HOXC8: variants seen among roughly 807,000 people sequenced by gnomAD.
The protein encoded by HOXC8 is homeobox protein Hox-C8.
A neutral mutation model predicts 25.8 loss-of-function variants in HOXC8; 14 were observed. The observed-to-expected ratio is 0.54, with a 90% CI of 0.36 to 0.85. HOXC8 has a LOEUF of 0.85. Ranked by LOEUF, HOXC8 falls within the 40% of genes least tolerant of loss-of-function variation. HOXC8 has a pLI of 0.01. For missense variants in HOXC8, 316 were observed against 308.8 expected, an observed-to-expected ratio of 1.02 and a Z score of -0.17; for synonymous variants, 144 against 124.6, an observed-to-expected ratio of 1.16 and a Z score of -1.04.
At position 54,011,507 on chromosome 12, in the gene HOXC8, T is replaced by C. The variant is rs1354094322; in HGVS notation, c.*126T>C. 55 of 1,159,950 alleles carry C rather than the reference T, an allele frequency of 4.7e-5. No homozygotes were observed. In the East Asian group the frequency reaches 1.5e-3, roughly 32 times the overall value. 71.9% of individuals were successfully genotyped at this position (1,159,950 alleles called of 1,614,324 possible). A position where few individuals can be genotyped will look rare whatever the true frequency, so the allele number is the denominator to read the frequency against. Reference sequence around the variant, plus strand: ...GAGAATAGAATGACACTCACAACTCTAACTACCTGTCAGATACTTGCAGCT... The same window carrying C: ...GAGAATAGAATGACACTCACAACTCCAACTACCTGTCAGATACTTGCAGCT... On this transcript the variant is annotated 3_prime_UTR_variant, in exon 2 of 2. Coordinates refer to ENST00000040584, the MANE Select transcript of HOXC8 (RefSeq NM_022658.4).
chr12:54,011,793 C>A lies in HOXC8; in HGVS notation c.*412C>A, dbSNP rs1940000840. ...TTTAGAGGGGAGCCCCCTCGAAATG[C>A]AGAAAAGGACTTGTGGTTTTGTTTT... On this transcript the variant is annotated 3_prime_UTR_variant, in exon 2 of 2. Coordinates refer to ENST00000040584, the MANE Select transcript of HOXC8 (RefSeq NM_022658.4). 6.5e-6 allele frequency: 1 copy of A among 154,612 alleles called. No homozygotes were observed. Among genetic ancestry groups the A allele is most frequent in the Non-Finnish European group, 1.4e-5 (1 of 69,924 alleles). The allele number at this position is 154,612 out of a possible 1,614,324, so 9.6% of individuals were successfully genotyped here. A position where few individuals can be genotyped will look rare whatever the true frequency, so the allele number is the denominator to read the frequency against.
rs1939922355 is a variant in HOXC8 at position 54,009,183 on chromosome 12, C to T, written c.-102C>T. ...GCCCAGCCCAGTCCCGGGGAGCCAG[C>T]TGGCCTGGGGTTCGGTCCCGGGGGG... On this transcript the variant is annotated 5_prime_UTR_variant, in exon 1 of 2. Coordinates refer to ENST00000040584, the MANE Select transcript of HOXC8 (RefSeq NM_022658.4). The surrounding 1 kb of genome is among the most constrained non-coding windows in gnomAD (Gnocchi z 5.0). 5 of 1,026,530 alleles carry T rather than the reference C, an allele frequency of 4.9e-6. No individual in the cohort carries two copies. The highest frequency in any genetic ancestry group is 7.3e-6 in the Non-Finnish European group (5 of 689,384). 63.6% of individuals were successfully genotyped at this position (1,026,530 alleles called of 1,614,324 possible). A position where few individuals can be genotyped will look rare whatever the true frequency, so the allele number is the denominator to read the frequency against.
In HOXC8 at chr12:54,010,600, G is replaced by A. The variant is rs148368763; in HGVS notation, c.437-489G>A. 8.1e-4 allele frequency among the ~76,000 whole-genome samples: 123 copies of A among 152,362 alleles called. 1 individual carries two copies. The highest frequency in any genetic ancestry group is 2.9e-3 in the African/African-American group (120 of 41,584). The stretch of plus-strand genomic sequence containing the variant: ...GCTGGTCTCCAGTTAGCAATCAGGC[G>A]GAGCGGTGACACATTCCAGCAGATC... On this transcript the variant is annotated intron_variant, in intron 1 of 1. Coordinates refer to ENST00000040584, the MANE Select transcript of HOXC8 (RefSeq NM_022658.4).
chr12:54,012,277 A>G lies in HOXC8; in HGVS notation c.*896A>G, dbSNP rs1353540152. On this transcript the variant is annotated 3_prime_UTR_variant, in exon 2 of 2. Transcript: ENST00000040584. Reference sequence around the variant, plus strand: ...AAAGGGAACCTGCAATAATCTTGAAAAAGAAAAAGAGAAAAATTTTAAAAT... The same window carrying G: ...AAAGGGAACCTGCAATAATCTTGAAGAAGAAAAAGAGAAAAATTTTAAAAT... 1 of 152,316 alleles carries G rather than the reference A, an allele frequency of 6.6e-6. No individual in the cohort carries two copies. Among genetic ancestry groups the G allele is most frequent in the Non-Finnish European group, 1.5e-5 (1 of 68,000 alleles). 9.4% of individuals were successfully genotyped at this position (152,316 alleles called of 1,614,324 possible). A position where few individuals can be genotyped will look rare whatever the true frequency, so the allele number is the denominator to read the frequency against.
chr12:54,010,376 G>A (rs1028211332), intron 1 of HOXC8, among the ~76,000 whole-genome samples: 4 of 152,198 alleles, frequency 2.6e-5, no homozygotes, highest in African/African-American at 9.7e-5. Context: ...AAGGAGAGAG[G>A]CCATAGAGAT....
Position 54,009,552 on chromosome 12 carries a change from G to C in HOXC8, c.268G>C (p.Gly90Arg), listed in dbSNP as rs1029782820. Residue 90 changes from glycine (G) to arginine (R), a missense_variant, in exon 1 of 2, where the codon GGC (glycine) becomes CGC (arginine). Physicochemically the swap from Gly to Arg is moderately radical, Grantham distance 125. Transcript: ENST00000040584. The surrounding 1 kb of genome is among the most constrained non-coding windows in gnomAD (Gnocchi z 5.0). The stretch of plus-strand genomic sequence containing the variant: ...CCACGGAGACGCCTCCAAATTCTAT[G>C]GCTACGAGGCGCTCCCCAGACAGTC... ...SCHGDASKFYGYEALPRQSLY... is the reference protein window; with the variant it reads ...SCHGDASKFYRYEALPRQSLY... The C allele has an allele frequency of 1.9e-6, 3 of 1,614,138 alleles. No homozygotes were observed. The highest frequency in any genetic ancestry group is 8.5e-7 in the Non-Finnish European group (1 of 1,180,018).
Position 54,009,422 on chromosome 12 carries a change from G to A in HOXC8, c.138G>A (p.Ala46=), listed in dbSNP as rs749203930. 9.3e-6 allele frequency: 15 copies of A among 1,613,914 alleles called. No homozygotes were observed. Among genetic ancestry groups the A allele is most frequent in the Middle Eastern group, 1.6e-4 (1 of 6,066 alleles). The change falls in exon 1 of 2, where the codon GCG becomes GCA. Residue 46 remains alanine (A), a synonymous_variant. Coordinates refer to ENST00000040584, the MANE Select transcript of HOXC8 (RefSeq NM_022658.4). This position sits in a 1 kb window ranked among gnomAD's most constrained non-coding sequence, Gnocchi z 5.0. ...TGGTGTACGGGCCCGGCGGCTCGGC[G>A]CCCGGCTTCCAGCACGCTTCGCACC... The part of the protein sequence containing the change: ...HALVYGPGGS[A]PGFQHASHHV...
Position 54,011,185 on chromosome 12 carries a change from G to C in HOXC8, c.533G>C (p.Arg178Pro), listed in dbSNP as rs1423551425. 6.2e-7 allele frequency: 1 copy of C among 1,614,050 alleles called. No homozygotes were observed. The highest frequency in any genetic ancestry group is 1.7e-5 in the Admixed American group (1 of 60,024). ...FLFNPYLTRK[R>P]RIEVSHALGL... Reference sequence around the variant, plus strand: ...TTTAATCCTTATTTGACACGAAAACGTCGGATTGAAGTCTCTCATGCCCTG... The same window carrying C: ...TTTAATCCTTATTTGACACGAAAACCTCGGATTGAAGTCTCTCATGCCCTG... Residue 178 changes from arginine (R) to proline (P), a missense_variant, in exon 2 of 2, where the codon CGT (arginine) becomes CCT (proline). Transcript: ENST00000040584.
In HOXC8 at chr12:54,012,648, G is replaced by A. The variant is rs1365920490; in HGVS notation, c.*1267G>A. On this transcript the variant is annotated 3_prime_UTR_variant, in exon 2 of 2. Transcript: ENST00000040584. ...AATATATCTATAATAATAATTTTTTGTCATTTGTCTTTATGTCCAGCTATG... is the reference window on the plus strand; with the variant it reads ...AATATATCTATAATAATAATTTTTTATCATTTGTCTTTATGTCCAGCTATG... Among the ~76,000 whole-genome samples, 3 of 152,050 alleles carry A rather than the reference G, an allele frequency of 2.0e-5. No individual in the cohort carries two copies. The highest frequency in any genetic ancestry group is 2.0e-4 in the Admixed American group (3 of 15,268).
In HOXC8 at chr12:54,011,516, G is replaced by C; in HGVS notation, c.*135G>C. Reference sequence around the variant, plus strand: ...ATGACACTCACAACTCTAACTACCTGTCAGATACTTGCAGCTCTGGTTTTA... The same window carrying C: ...ATGACACTCACAACTCTAACTACCTCTCAGATACTTGCAGCTCTGGTTTTA... On this transcript the variant is annotated 3_prime_UTR_variant, in exon 2 of 2. Coordinates refer to ENST00000040584, the MANE Select transcript of HOXC8 (RefSeq NM_022658.4). 9.0e-7 allele frequency: 1 copy of C among 1,113,094 alleles called. No individual in the cohort carries two copies. Among genetic ancestry groups the C allele is most frequent in the Non-Finnish European group, 1.2e-6 (1 of 831,604 alleles). The allele number at this position is 1,113,094 out of a possible 1,614,324, so 69.0% of individuals were successfully genotyped here.
At position 54,009,529 on chromosome 12, in the gene HOXC8, A is replaced by G. The variant is rs1690277850; in HGVS notation, c.245A>G (p.His82Arg). The change falls in exon 1 of 2, where the codon CAC (histidine) becomes CGC (arginine). Residue 82 changes from histidine to arginine, a missense_variant. Coordinates refer to ENST00000040584, the MANE Select transcript of HOXC8 (RefSeq NM_022658.4). This position sits in a 1 kb window ranked among gnomAD's most constrained non-coding sequence, Gnocchi z 5.0. ...CAGAACCCGTGCTCGCTTAGCTGCC[A>G]CGGAGACGCCTCCAAATTCTATGGC... ...YQQNPCSLSC[H>R]GDASKFYGYE... 1 of 1,614,188 alleles carries G rather than the reference A, an allele frequency of 6.2e-7. No individual in the cohort carries two copies. Among genetic ancestry groups the G allele is most frequent in the Admixed American group, 1.7e-5 (1 of 60,024 alleles).
At chr12:54,010,350 A>G (rs967674075) in intron 1 of HOXC8, among the ~76,000 whole-genome samples, 27 of 152,108 alleles carry the variant, frequency 1.8e-4, no homozygotes, top group Non-Finnish European at 3.2e-4. Context: ...GAGGAGGGGG[A>G]AAAAAGAGTG....
Position 54,009,197 on chromosome 12 carries a change from G to A in HOXC8, c.-88G>A. ...CGGGGAGCCAGCTGGCCTGGGGTTCGGTCCCGGGGGGAGGGGAGTTTCGGG... is the reference window on the plus strand; with the variant it reads ...CGGGGAGCCAGCTGGCCTGGGGTTCAGTCCCGGGGGGAGGGGAGTTTCGGG... On this transcript the variant is annotated 5_prime_UTR_variant, in exon 1 of 2. Transcript: ENST00000040584. This position sits in a 1 kb window ranked among gnomAD's most constrained non-coding sequence, Gnocchi z 5.0. The A allele has an allele frequency of 8.5e-7, 1 of 1,179,150 alleles. No individual in the cohort carries two copies. Among genetic ancestry groups the A allele is most frequent in the Non-Finnish European group, 1.2e-6 (1 of 827,582 alleles). The allele number at this position is 1,179,150 out of a possible 1,614,324, so 73.0% of individuals were successfully genotyped here. A position where few individuals can be genotyped will look rare whatever the true frequency, so the allele number is the denominator to read the frequency against.
rs951779584 is a variant in HOXC8, at chr12:54,012,547, A to G, written c.*1166A>G. Among the ~76,000 whole-genome samples the G allele has an allele frequency of 6.6e-6, 1 of 152,146 alleles. No homozygotes were observed. Among genetic ancestry groups the G allele is most frequent in the Non-Finnish European group, 1.5e-5 (1 of 68,018 alleles). On this transcript the variant is annotated 3_prime_UTR_variant, in exon 2 of 2. Transcript: ENST00000040584. ...TCTAACCCCAGTAGAGTAGAACTAA[A>G]TTGCACTGAATGTATAGTTAACTCT...
At position 54,011,468 on chromosome 12, in the gene HOXC8, C is replaced by T. The variant is rs1177249653; in HGVS notation, c.*87C>T. 8 of 1,426,848 alleles carry T rather than the reference C, an allele frequency of 5.6e-6. No individual in the cohort carries two copies. The Admixed American group carries it at 2.1e-4, about 38-fold the overall frequency. The allele number at this position is 1,426,848 out of a possible 1,614,324, so 88.4% of individuals were successfully genotyped here. On this transcript the variant is annotated 3_prime_UTR_variant, in exon 2 of 2. Transcript: ENST00000040584. ...GATAAATTGAGAAGTTTACGACTGT[C>T]ATTTGCTTTTATAGAGAATAGAATG... is the stretch of plus-strand genomic sequence containing the variant.
rs773485181 is a variant in HOXC8, at chr12:54,009,585, G to A, written c.301G>A (p.Gly101Arg). Residue 101 changes from glycine (G) to arginine (R), a missense_variant, in exon 1 of 2, where the codon GGG (glycine) becomes AGG (arginine). By Grantham distance (125) the Gly-to-Arg change is moderately radical. Transcript: ENST00000040584. The surrounding 1 kb of genome is among the most constrained non-coding windows in gnomAD (Gnocchi z 5.0). Reference protein sequence around the residue: ...YEALPRQSLYGAQQEASVVQY... With the variant: ...YEALPRQSLYRAQQEASVVQY... ...GGCGCTCCCCAGACAGTCCCTTTAT[G>A]GGGCTCAGCAAGAGGCGAGCGTGGT... 3 of 1,614,212 alleles carry A rather than the reference G, an allele frequency of 1.9e-6. No homozygotes were observed. Among genetic ancestry groups the A allele is most frequent in the Non-Finnish European group, 2.5e-6 (3 of 1,180,042 alleles).
chr12:54,009,636 G>C lies in HOXC8; in HGVS notation c.352G>C (p.Ala118Pro), dbSNP rs776132374. Residue 118 changes from alanine (A) to proline (P), a missense_variant, in exon 1 of 2, where the codon GCC becomes CCC. Coordinates refer to ENST00000040584, the MANE Select transcript of HOXC8 (RefSeq NM_022658.4). The surrounding 1 kb of genome is among the most constrained non-coding windows in gnomAD (Gnocchi z 5.0). ...GCAATATCCCGACTGTAAATCCTCC[G>C]CCAACACTAACAGTAGCGAAGGACA... ...VVQYPDCKSS[A>P]NTNSSEGQGH... 6.2e-7 allele frequency: 1 copy of C among 1,614,166 alleles called. No homozygotes were observed. Among genetic ancestry groups the C allele is most frequent in the Admixed American group, 1.7e-5 (1 of 60,030 alleles).
Position 54,011,193 on chromosome 12 carries a change from G to A in HOXC8, c.541G>A (p.Glu181Lys). 1 of 1,614,060 alleles carries A rather than the reference G, an allele frequency of 6.2e-7. No homozygotes were observed. The highest frequency in any genetic ancestry group is 1.3e-5 in the African/African-American group (1 of 75,022). The change falls in exon 2 of 2, where the codon GAA becomes AAA. Residue 181 changes from glutamate to lysine, a missense_variant. Coordinates refer to ENST00000040584, the MANE Select transcript of HOXC8 (RefSeq NM_022658.4). ...NPYLTRKRRI[E>K]VSHALGLTER... Reference sequence around the variant, plus strand: ...TTATTTGACACGAAAACGTCGGATTGAAGTCTCTCATGCCCTGGGACTGAC... The same window carrying A: ...TTATTTGACACGAAAACGTCGGATTAAAGTCTCTCATGCCCTGGGACTGAC...
rs543163396 is a variant in HOXC8 at position 54,012,380 on chromosome 12, T to G, written c.*999T>G. 1 of 152,118 alleles carries G rather than the reference T, an allele frequency of 6.6e-6. No individual in the cohort carries two copies. The highest frequency in any genetic ancestry group is 1.9e-4 in the East Asian group (1 of 5,184). The allele number at this position is 152,118 out of a possible 1,614,324, so 9.4% of individuals were successfully genotyped here. A position where few individuals can be genotyped will look rare whatever the true frequency, so the allele number is the denominator to read the frequency against. Reference sequence around the variant, plus strand: ...GAAAGAAAGAAACCTCCAGCGTATTTTATCACTACCTATAGAAAGAAATCC... The same window carrying G: ...GAAAGAAAGAAACCTCCAGCGTATTGTATCACTACCTATAGAAAGAAATCC... On this transcript the variant is annotated 3_prime_UTR_variant, in exon 2 of 2. Transcript: ENST00000040584.
Sources: gnomAD v4.1 joint callset for allele counts (sites outside exome capture counted in the v4.1 genomes callset) on GRCh38, gnomAD v4.1.1 for gene constraint, Gnocchi (gnomAD v3.1) non-coding constraint, MANE v1.5 for transcripts, NCBI Gene and HGNC (gene_info 2026-07-23, HGNC 2026-07-21) for gene names.